The following CTIF variants were observed in gnomAD, a reference collection of about 807,000 sequenced individuals.
The protein encoded by CTIF is CBP80/20-dependent translation initiation factor.
In CTIF, 21 loss-of-function variants were observed where a neutral mutation model predicts 66.0. That is an observed-to-expected ratio of 0.32 (90% CI 0.23 to 0.46). The LOEUF (loss-of-function observed/expected upper bound fraction) is 0.46. Ranked by LOEUF, CTIF falls within the 20% of genes least tolerant of loss-of-function variation. The pLI, the probability that CTIF is intolerant of heterozygous loss-of-function variation, is 1.00. For synonymous variants in CTIF, 345 were observed against 326.4 expected, an observed-to-expected ratio of 1.06 and a Z score of -0.62; for missense variants, 739 against 812.7, an observed-to-expected ratio of 0.91 and a Z score of 1.10.
At chr18:48,576,496 C>A (rs190307601) in intron 1 of CTIF, among the ~76,000 whole-genome samples, 1 of 152,252 alleles carries the variant, frequency 6.6e-6, no homozygotes, top group Non-Finnish European at 1.5e-5. Context: ...ACTCTGCTCA[C>A]GTTGAGAGTC....
At chr18:48,546,717 C>A (rs2088760417) in intron 1 of CTIF, among the ~76,000 whole-genome samples, 1 of 151,926 alleles carries the variant, frequency 6.6e-6, no homozygotes, top group Non-Finnish European at 1.5e-5. Flanking sequence ...AGAGATGATA[C>A]CAGGAATCAA....
intron 1 of CTIF, among the ~76,000 whole-genome samples, chr18:48,552,353 CTG>C (rs1410958694): frequency 5.9e-5 from 9 of 152,200 alleles, no homozygotes; most frequent in Non-Finnish European, 7.3e-5. Context: ...CTAGAAAGAA[CTG>C]TGTGGAAATT....
intron 7 of CTIF, among the ~76,000 whole-genome samples, chr18:48,739,549 G>A (rs2092536677): frequency 6.6e-6 from 1 of 152,184 alleles, no homozygotes; most frequent in Non-Finnish European, 1.5e-5. Flanking sequence ...CCTCTTCCCA[G>A]TCACTTCATC....
chr18:48,646,236 A>G (rs1301022854), intron 3 of CTIF, among the ~76,000 whole-genome samples: 2 of 151,774 alleles, frequency 1.3e-5, no homozygotes, highest in East Asian at 4.0e-4. Context: ...ATCCAATTAG[A>G]AAATGGACAA....
At chr18:48,570,430 C>T (rs968477388) in intron 1 of CTIF, among the ~76,000 whole-genome samples, 8 of 152,192 alleles carry the variant, frequency 5.3e-5, no homozygotes, top group Admixed American at 2.0e-4. Flanking sequence ...ATATTGAGGG[C>T]ACTAACAGTC....
At chr18:48,540,512 A>G (rs1371909583) in intron 1 of CTIF, among the ~76,000 whole-genome samples, 1 of 147,236 alleles carries the variant, frequency 6.8e-6, no homozygotes, top group East Asian at 2.1e-4. Context: ...GGTAAAAGAC[A>G]ATCGGGAGGG....
chr18:48,631,300 C>A (rs1034867835), intron 2 of CTIF, among the ~76,000 whole-genome samples: 1 of 152,066 alleles, frequency 6.6e-6, no homozygotes, highest in African/African-American at 2.4e-5. Context: ...CCTGTCTCTA[C>A]TAAAAATACA....
At position 48,664,513 on chromosome 18, in the gene CTIF, C is replaced by A. The variant is rs902703920; in HGVS notation, c.393C>A (p.His131Gln). ...CCCAGTTCCACCGCAAAGTCCGACA[C>A]ACGCCCAAGCAGCCCCTGCCACACA... ...DFTQFHRKVR[H>Q]TPKQPLPHID... The change falls in exon 5 of 12, where the codon CAC becomes CAA. Residue 131 changes from histidine (H) to glutamine (Q), a missense_variant. By Grantham distance (24) the His-to-Gln change is conservative. Transcript: ENST00000256413. 2.5e-6 allele frequency: 4 copies of A among 1,613,178 alleles called. No individual in the cohort carries two copies. The African/African-American group carries it at 5.3e-5, about 21-fold the overall frequency.
At chr18:48,819,145 A>G (rs2068430148) in intron 10 of CTIF, among the ~76,000 whole-genome samples, 1 of 152,176 alleles carries the variant, frequency 6.6e-6, no homozygotes, top group Non-Finnish European at 1.5e-5. Flanking sequence ...CCCAAACCAC[A>G]TTTCTTAACA....
At chr18:48,750,058 TCA>T (rs1372553967) in intron 7 of CTIF, among the ~76,000 whole-genome samples, 2 of 152,268 alleles carry the variant, frequency 1.3e-5, no homozygotes, top group African/African-American at 4.8e-5. Context: ...AATGCTGGAT[TCA>T]CCCTGGAACA....
intron 7 of CTIF, among the ~76,000 whole-genome samples, chr18:48,754,898 C>T (rs1282126725): frequency 6.6e-6 from 1 of 152,172 alleles, no homozygotes; most frequent in Non-Finnish European, 1.5e-5. Flanking sequence ...CAGGAGCCAG[C>T]TGATTTCTTT....
At chr18:48,635,299 T>TTTTTTC (rs528678487) in intron 2 of CTIF, among the ~76,000 whole-genome samples, 13 of 133,778 alleles carry the variant, frequency 9.7e-5, no homozygotes, top group Admixed American at 6.6e-4. Context: ...GCTTTTTCTT[T>TTTTTTC]TTTTTCTTTT....
intron 1 of CTIF, among the ~76,000 whole-genome samples, chr18:48,598,669 C>T (rs1448056092): frequency 6.6e-6 from 1 of 152,172 alleles, no homozygotes; most frequent in Admixed American, 6.5e-5. Context: ...GGCGGGCAGG[C>T]TCCTGTACTT....
At chr18:48,730,192 A>G (rs1375345896) in intron 7 of CTIF, among the ~76,000 whole-genome samples, 7 of 142,096 alleles carry the variant, frequency 4.9e-5, no homozygotes, top group Non-Finnish European at 6.2e-5. Flanking sequence ...GGGGCCCCCG[A>G]GGTGTGAGGG....
intron 7 of CTIF, among the ~76,000 whole-genome samples, chr18:48,723,390 C>T (rs1158029014): frequency 6.6e-6 from 1 of 152,228 alleles, no homozygotes; most frequent in Non-Finnish European, 1.5e-5. Flanking sequence ...GACCCTCAGA[C>T]AGGGTCACCC....
At chr18:48,756,266 C>T (rs566938706) in intron 7 of CTIF, 1 of 152,270 alleles carries the variant, frequency 6.6e-6, no homozygotes, top group East Asian at 1.9e-4. Context: ...GTCAAAGGGA[C>T]TGTCATCCCC....
At chr18:48,592,151 T>C (rs1332174666) in intron 1 of CTIF, among the ~76,000 whole-genome samples, 1 of 152,158 alleles carries the variant, frequency 6.6e-6, no homozygotes, top group African/African-American at 2.4e-5. Flanking sequence ...AGTGAATACC[T>C]TATTGTAAAG....
intron 1 of CTIF, among the ~76,000 whole-genome samples, chr18:48,577,064 G>T (rs1349329873): frequency 6.6e-6 from 1 of 152,204 alleles, no homozygotes; most frequent in Non-Finnish European, 1.5e-5. Flanking sequence ...GAGTTTCACA[G>T]GCTGGCCTGG....
Position 48,779,338 on chromosome 18 carries a change from A to C in CTIF, c.1371+17649A>C, listed in dbSNP as rs117563171. Among the ~76,000 whole-genome samples, 410 of 152,290 alleles carry C rather than the reference A, an allele frequency of 2.7e-3. 4 individuals are homozygous for C. Among genetic ancestry groups the C allele is most frequent in the Non-Finnish European group, 4.4e-3 (297 of 68,018 alleles). On this transcript the variant is annotated intron_variant, in intron 9 of 11. Transcript: ENST00000256413. The stretch of plus-strand genomic sequence containing the variant: ...AGCCCCATTTTATACATGGGGAAAG[A>C]AAGTTCCAGAGAGCTTAGGAGGTAT...
Sources: allele counts gnomAD v4.1 joint callset (sites outside exome capture counted in the v4.1 genomes callset), GRCh38; gene constraint gnomAD v4.1.1; transcripts MANE v1.5; gene names NCBI Gene and HGNC (gene_info 2026-07-23, HGNC 2026-07-21).